The following ZDHHC3 variants were observed in gnomAD, a reference collection of about 807,000 sequenced individuals.
ZDHHC3 encodes the protein zDHHC palmitoyltransferase 3.
A neutral mutation model predicts 30.6 loss-of-function variants in ZDHHC3; 9 were observed. The ratio of observed to expected loss-of-function variants is 0.29; its 90% confidence interval spans 0.18 to 0.51. ZDHHC3 has a LOEUF of 0.51. ZDHHC3 is among the 20% of genes least tolerant of loss of function. The pLI, the probability that ZDHHC3 is intolerant of heterozygous loss-of-function variation, is 0.97. For missense variants in ZDHHC3, 246 were observed against 384.2 expected (o/e 0.64, Z 3.01); for synonymous variants, 136 against 140.2 (o/e 0.97, Z 0.21).
intron 1 of ZDHHC3, among the ~76,000 whole-genome samples, chr3:44,966,965 T>C (rs6784217): frequency 0.59 from 89,702 of 152,054 alleles, 27,730 homozygotes; most frequent in East Asian, 0.9. Flanking sequence ...ACAGGCAGAG[T>C]GAGCTGGCCT....
In ZDHHC3 at chr3:44,922,952, C is replaced by T. The variant is rs984821869; in HGVS notation, c.*3737G>A. Reference sequence around the variant, plus strand: ...TCTACTGGCTGGCTCACCCTTTAAGCTGATGCACTGCAAGTCTTGAAAAGA... The same window carrying T: ...TCTACTGGCTGGCTCACCCTTTAAGTTGATGCACTGCAAGTCTTGAAAAGA... On this transcript the variant is annotated 3_prime_UTR_variant, in exon 7 of 7. Transcript: ENST00000424952. 4.1e-6 allele frequency: 4 copies of T among 985,242 alleles called. No homozygotes were observed. The African/African-American group carries it at 5.2e-5, about 13-fold the overall frequency. The allele number at this position is 985,242 out of a possible 1,614,324, so 61.0% of individuals were successfully genotyped here.
rs1700426919 is a variant in ZDHHC3, at chr3:44,919,222, A to G, written c.*7467T>C. The G allele has an allele frequency of 6.3e-6, 3 of 476,858 alleles. No homozygotes were observed. Among genetic ancestry groups the G allele is most frequent in the Middle Eastern group, 1.1e-3 (1 of 930 alleles). The allele number at this position is 476,858 out of a possible 1,614,324, so 29.5% of individuals were successfully genotyped here. On this transcript the variant is annotated 3_prime_UTR_variant, in exon 7 of 7. Coordinates refer to ENST00000424952, the MANE Select transcript of ZDHHC3 (RefSeq NM_001135179.2). ...ACATTGCACGTACCACCTTCACCCAATGATCAAAGTTAACATCACAATAAT... is the reference window on the plus strand; with the variant it reads ...ACATTGCACGTACCACCTTCACCCAGTGATCAAAGTTAACATCACAATAAT...
intron 3 of ZDHHC3, among the ~76,000 whole-genome samples, chr3:44,936,351 AAAC>A (rs1701957228): frequency 1.3e-5 from 2 of 152,224 alleles, no homozygotes; most frequent in Non-Finnish European, 2.9e-5. Context: ...AAAAGTCAAA[AAAC>A]AACAGATGCT....
Position 44,918,695 on chromosome 3 carries a change from C to T in ZDHHC3, c.*7994G>A, listed in dbSNP as rs555849514. The stretch of plus-strand genomic sequence containing the variant: ...CAAGTGCCAACATGCATTAGGCAGC[C>T]GGAGGGCACACAGGACCACTGTGGG... On this transcript the variant is annotated 3_prime_UTR_variant, in exon 7 of 7. Coordinates refer to ENST00000424952, the MANE Select transcript of ZDHHC3 (RefSeq NM_001135179.2). The T allele has an allele frequency of 7.8e-3, 7,717 of 994,622 alleles. 34 individuals are homozygous for T. The highest frequency in any genetic ancestry group is 8.9e-3 in the Non-Finnish European group (7,438 of 834,236). The allele number at this position is 994,622 out of a possible 1,614,324, so 61.6% of individuals were successfully genotyped here. A position where few individuals can be genotyped will look rare whatever the true frequency, so the allele number is the denominator to read the frequency against.
chr3:44,928,432 C>T (rs1404835658), intron 6 of ZDHHC3, among the ~76,000 whole-genome samples: 2 of 152,154 alleles, frequency 1.3e-5, no homozygotes, highest in African/African-American at 2.4e-5. Context: ...CAAACCTTCA[C>T]CCAGAGCCCT....
chr3:44,966,806 T>C (rs6781650), intron 1 of ZDHHC3, among the ~76,000 whole-genome samples: 89,006 of 152,060 alleles, frequency 0.59, 27,247 homozygotes, highest in East Asian at 0.9. Flanking sequence ...AAAGAGGGAA[T>C]CATGAATCAC....
In ZDHHC3 at chr3:44,919,151, T is replaced by G; in HGVS notation, c.*7538A>C. ...TCAAAAGTATATCCTCATAAGATAC[T>G]TATCAATTACAAAGGGAAAAACAGT... is the stretch of plus-strand genomic sequence containing the variant. On this transcript the variant is annotated 3_prime_UTR_variant, in exon 7 of 7. Transcript: ENST00000424952. 7.3e-6 allele frequency: 7 copies of G among 961,574 alleles called. No individual in the cohort carries two copies. Among genetic ancestry groups the G allele is most frequent in the Middle Eastern group, 5.4e-4 (1 of 1,856 alleles). 59.6% of individuals were successfully genotyped at this position (961,574 alleles called of 1,614,324 possible).
chr3:44,943,557 CA>C (rs1397910363), intron 3 of ZDHHC3, among the ~76,000 whole-genome samples: 3 of 152,198 alleles, frequency 2.0e-5, no homozygotes, highest in Non-Finnish European at 4.4e-5. Flanking sequence ...TCAGATCTCT[CA>C]CACACCCAAA....
chr3:44,924,878 T>C lies in ZDHHC3; in HGVS notation c.*1811A>G, dbSNP rs1285915444. On this transcript the variant is annotated 3_prime_UTR_variant, in exon 7 of 7. Coordinates refer to ENST00000424952, the MANE Select transcript of ZDHHC3 (RefSeq NM_001135179.2). ...GCATCTCAGCCTCGCCCGTATCGCA[T>C]GAATAGCACCGTAGACACGAGGTAA... 3.0e-6 allele frequency: 3 copies of C among 985,436 alleles called. No homozygotes were observed. The highest frequency in any genetic ancestry group is 3.6e-6 in the Non-Finnish European group (3 of 829,950). The allele number at this position is 985,436 out of a possible 1,614,324, so 61.0% of individuals were successfully genotyped here.
chr3:44,971,100 C>T (rs1010925992), intron 1 of ZDHHC3, among the ~76,000 whole-genome samples: 5 of 152,226 alleles, frequency 3.3e-5, no homozygotes, highest in Non-Finnish European at 7.3e-5. Flanking sequence ...TAGAAACATA[C>T]ACTTCACATA....
At position 44,921,086 on chromosome 3, in the gene ZDHHC3, G is replaced by A; in HGVS notation, c.*5603C>T. The A allele has an allele frequency of 1.0e-6, 1 of 985,430 alleles. No homozygotes were observed. Among genetic ancestry groups the A allele is most frequent in the Non-Finnish European group, 1.2e-6 (1 of 829,926 alleles). The allele number at this position is 985,430 out of a possible 1,614,324, so 61.0% of individuals were successfully genotyped here. On this transcript the variant is annotated 3_prime_UTR_variant, in exon 7 of 7. Transcript: ENST00000424952. ...ACAAAAATGGTTGATGCCTGGTAAG[G>A]GGGTCATAGTCGACACCAGAAGCTC...
In ZDHHC3 at chr3:44,918,808, G is replaced by A. The variant is rs1188670134; in HGVS notation, c.*7881C>T. The A allele has an allele frequency of 4.1e-6, 4 of 987,234 alleles. No homozygotes were observed. The highest frequency in any genetic ancestry group is 4.7e-5 in the South Asian group (1 of 21,394). The allele number at this position is 987,234 out of a possible 1,614,324, so 61.2% of individuals were successfully genotyped here. On this transcript the variant is annotated 3_prime_UTR_variant, in exon 7 of 7. Transcript: ENST00000424952. ...GTCAACTCACCTGCCTCTGGGTGTC[G>A]GCTGCAACTCAGCCACCAGGCCACA...
Position 44,955,699 on chromosome 3 carries a change from T to G in ZDHHC3, c.306+3432A>C, listed in dbSNP as rs1158112945. On this transcript the variant is annotated intron_variant, in intron 2 of 6. Transcript: ENST00000424952. Reference sequence around the variant, plus strand: ...ATTAATAAGGAACCCCTAACTTACCTGCTTATCACCTGGGCTTCCAACTCT... The same window carrying G: ...ATTAATAAGGAACCCCTAACTTACCGGCTTATCACCTGGGCTTCCAACTCT... 2.0e-5 allele frequency among the ~76,000 whole-genome samples: 3 copies of G among 152,112 alleles called. No homozygotes were observed. In the East Asian group the frequency reaches 5.8e-4, roughly 29 times the overall value.
intron 2 of ZDHHC3, chr3:44,958,827 T>G: frequency 1.2e-6 from 1 of 821,894 alleles, no homozygotes; most frequent in Non-Finnish European, 1.9e-6. Context: ...CTGTGTCTTT[T>G]TAACCAGAGG....
Position 44,938,887 on chromosome 3 carries a change from C to A in ZDHHC3, c.432-4903G>T, listed in dbSNP as rs550872437. ...AGAAGATGTGTGCTTTTCAAAGCCT[C>A]GCATGAACTTTGGTGGCAATGCAGA... On this transcript the variant is annotated intron_variant, in intron 3 of 6. Transcript: ENST00000424952. 2.6e-5 allele frequency among the ~76,000 whole-genome samples: 4 copies of A among 152,188 alleles called. No individual in the cohort carries two copies. In the South Asian group the frequency reaches 8.3e-4, roughly 32 times the overall value.
At position 44,920,717 on chromosome 3, in the gene ZDHHC3, C is replaced by G; in HGVS notation, c.*5972G>C. 1 of 985,422 alleles carries G rather than the reference C, an allele frequency of 1.0e-6. No homozygotes were observed. Among genetic ancestry groups the G allele is most frequent in the African/African-American group, 1.7e-5 (1 of 57,344 alleles). The allele number at this position is 985,422 out of a possible 1,614,324, so 61.0% of individuals were successfully genotyped here. A position where few individuals can be genotyped will look rare whatever the true frequency, so the allele number is the denominator to read the frequency against. ...GAAGGGGAATGAAGCCAAGAGCCCACAGGATGATTATTTGCCATTCATGTG... is the reference window on the plus strand; with the variant it reads ...GAAGGGGAATGAAGCCAAGAGCCCAGAGGATGATTATTTGCCATTCATGTG... On this transcript the variant is annotated 3_prime_UTR_variant, in exon 7 of 7. Coordinates refer to ENST00000424952, the MANE Select transcript of ZDHHC3 (RefSeq NM_001135179.2).
At chr3:44,931,118 T>C (rs180998233) in intron 5 of ZDHHC3, among the ~76,000 whole-genome samples, 1 of 152,214 alleles carries the variant, frequency 6.6e-6, no homozygotes, top group Admixed American at 6.5e-5. Context: ...CAACCAGCCT[T>C]GGGACAGTGC....
chr3:44,948,378 G>A (rs1703137164), intron 2 of ZDHHC3, among the ~76,000 whole-genome samples: 1 of 152,204 alleles, frequency 6.6e-6, no homozygotes, highest in South Asian at 2.1e-4. Context: ...GGAAATGCAA[G>A]GGAGCTGTGG....
Position 44,924,386 on chromosome 3 carries a change from G to T in ZDHHC3, c.*2303C>A. 1 of 985,418 alleles carries T rather than the reference G, an allele frequency of 1.0e-6. No homozygotes were observed. Among genetic ancestry groups the T allele is most frequent in the Non-Finnish European group, 1.2e-6 (1 of 829,930 alleles). 61.0% of individuals were successfully genotyped at this position (985,418 alleles called of 1,614,324 possible). A position where few individuals can be genotyped will look rare whatever the true frequency, so the allele number is the denominator to read the frequency against. On this transcript the variant is annotated 3_prime_UTR_variant, in exon 7 of 7. Coordinates refer to ENST00000424952, the MANE Select transcript of ZDHHC3 (RefSeq NM_001135179.2). ...TAGGAAAAATGCCAGGAACCTTGGG[G>T]TATTCCTATCTTCTGAGAGCAACTG...
Sources: gnomAD v4.1 joint callset for allele counts (sites outside exome capture counted in the v4.1 genomes callset) on GRCh38, gnomAD v4.1.1 for gene constraint, MANE v1.5 for transcripts, NCBI Gene and HGNC (gene_info 2026-07-23, HGNC 2026-07-21) for gene names.